Variants in CCDC33 observed in about 807,000 individuals in gnomAD.
The protein encoded by CCDC33 is coiled-coil domain containing 33, also known as coiled-coil domain-containing protein 33.
A neutral mutation model predicts 91.9 loss-of-function variants in CCDC33; 94 were observed. That is an observed-to-expected ratio of 1.02 (90% CI 0.87 to 1.21). CCDC33 has a LOEUF of 1.21. Ranked by LOEUF, CCDC33 falls within the 50% of genes most tolerant of loss-of-function variation. The pLI, the probability that CCDC33 is intolerant of heterozygous loss-of-function variation, is 0.00. For synonymous variants in CCDC33, 396 were observed against 374.5 expected (o/e 1.06, Z -0.66); for missense variants, 940 against 935.5 (o/e 1.00, Z -0.06).
chr15:74,307,494 G>C (rs2059912109), intron 11 of CCDC33, among the ~76,000 whole-genome samples: 1 of 151,988 alleles, frequency 6.6e-6, no homozygotes, highest in Non-Finnish European at 1.5e-5. Context: ...GGGGAGTCTT[G>C]GTCCAACACA....
chr15:74,310,189 T>C (rs937927234), intron 11 of CCDC33, among the ~76,000 whole-genome samples: 1 of 151,488 alleles, frequency 6.6e-6, no homozygotes, highest in Non-Finnish European at 1.5e-5. Context: ...TCTGGGAAGA[T>C]GGTTAGGAGG....
chr15:74,207,606 C>T, intron 1 of CCDC33: 1 of 1,258,464 alleles, frequency 7.9e-7, no homozygotes, highest in Admixed American at 2.0e-5. Context: ...TTACAATACT[C>T]AAACCTCAGG....
intron 2 of CCDC33, among the ~76,000 whole-genome samples, chr15:74,225,814 C>A (rs2074777171): frequency 6.6e-6 from 1 of 152,154 alleles, no homozygotes; most frequent in Non-Finnish European, 1.5e-5. Context: ...GGAAGGCTGA[C>A]AGCACCCAGT....
intron 2 of CCDC33, among the ~76,000 whole-genome samples, chr15:74,255,592 G>A (rs1377313403): frequency 2.0e-5 from 3 of 152,264 alleles, no homozygotes; most frequent in African/African-American, 7.2e-5. Context: ...CGTTGGAGGA[G>A]TGGGGCCTAG....
At chr15:74,263,522 C>T (rs1330281952) in intron 3 of CCDC33, among the ~76,000 whole-genome samples, 3 of 152,152 alleles carry the variant, frequency 2.0e-5, no homozygotes, top group African/African-American at 7.2e-5. Flanking sequence ...GGGGAGCCTC[C>T]GTAAAAGGGG....
At chr15:74,263,139 C>A (rs536417357) in intron 3 of CCDC33, among the ~76,000 whole-genome samples, 2 of 152,348 alleles carry the variant, frequency 1.3e-5, no homozygotes, top group African/African-American at 4.8e-5. Context: ...CAGGTGTCAG[C>A]CTGAGCCACG....
Position 74,236,562 on chromosome 15 carries a change from CT to C in CCDC33, c.-157del. ...GCCCCAGGGCTGGTGTGTGGCACCCCTGAGACCACATTGACCTCCATACTGT... is the reference window on the plus strand; with the variant it reads ...GCCCCAGGGCTGGTGTGTGGCACCCCGAGACCACATTGACCTCCATACTGT... On this transcript the variant is annotated 5_prime_UTR_variant, in exon 1 of 19. Transcript: ENST00000398814. 1 of 528,802 alleles carries C rather than the reference CT, an allele frequency of 1.9e-6. No individual in the cohort carries two copies. Among genetic ancestry groups the C allele is most frequent in the Non-Finnish European group, 3.3e-6 (1 of 300,178 alleles). The allele number at this position is 528,802 out of a possible 1,614,324, so 32.8% of individuals were successfully genotyped here. A position where few individuals can be genotyped will look rare whatever the true frequency, so the allele number is the denominator to read the frequency against.
chr15:74,335,485 C>T (rs928835655), intron 18 of CCDC33: 9 of 440,692 alleles, frequency 2.0e-5, no homozygotes, highest in Middle Eastern at 6.3e-4. Context: ...CAAATTAGCA[C>T]ACCCTTCTCA....
At chr15:74,274,221 C>T (rs1463625287) in intron 7 of CCDC33, among the ~76,000 whole-genome samples, 1 of 152,212 alleles carries the variant, frequency 6.6e-6, no homozygotes, top group Non-Finnish European at 1.5e-5. Context: ...GGCTATGACC[C>T]ATGTCAGGGC....
At chr15:74,328,811 G>A (rs575512448) in intron 11 of CCDC33, among the ~76,000 whole-genome samples, 3 of 152,358 alleles carry the variant, frequency 2.0e-5, no homozygotes, top group East Asian at 3.9e-4. Flanking sequence ...GGCCCAGGTG[G>A]TTGCTGGGGG....
At chr15:74,299,651 G>A (rs1396262318) in intron 11 of CCDC33, 1 of 152,286 alleles carries the variant, frequency 6.6e-6, no homozygotes, top group Non-Finnish European at 1.5e-5. Context: ...ACACTACAGA[G>A]GCCTGTATGC....
chr15:74,318,480 T>G, intron 11 of CCDC33: 1 of 453,718 alleles, frequency 2.2e-6, no homozygotes. Context: ...AGTGGCCCCA[T>G]GGGCCTGCCT....
At chr15:74,328,742 C>A (rs2060363028) in intron 11 of CCDC33, among the ~76,000 whole-genome samples, 1 of 152,190 alleles carries the variant, frequency 6.6e-6, no homozygotes, top group Non-Finnish European at 1.5e-5. Flanking sequence ...CCATGGCCTG[C>A]CATGCAGCAG....
intron 1 of CCDC33, among the ~76,000 whole-genome samples, chr15:74,237,892 A>G (rs2075222391): frequency 6.6e-6 from 1 of 152,186 alleles, no homozygotes; most frequent in South Asian, 2.1e-4. Context: ...CACGCCTGTA[A>G]TCCCAGCACT....
At chr15:74,266,963 A>G (rs1266066654) in intron 4 of CCDC33, among the ~76,000 whole-genome samples, 176 bp downstream of exon 4, 1 of 144,932 alleles carries the variant, frequency 6.9e-6, no homozygotes, top group African/African-American at 2.6e-5. Flanking sequence ...AATGGTGTCT[A>G]CAAGAATTTG....
chr15:74,318,542 A>G, intron 11 of CCDC33: 1 of 684,126 alleles, frequency 1.5e-6, no homozygotes, highest in Non-Finnish European at 2.6e-6. Context: ...TGTTGTAGCA[A>G]CAGTCCCTGG....
chr15:74,268,280 C>T (rs1033821665), intron 4 of CCDC33, 62 bp from the exon 5 acceptor site: 16 of 1,200,650 alleles, frequency 1.3e-5, no homozygotes, highest in Non-Finnish European at 1.9e-5. Flanking sequence ...GGATTTATGG[C>T]CAGGATCTGC....
chr15:74,217,686 T>A, intron 1 of CCDC33: 1 of 929,070 alleles, frequency 1.1e-6, no homozygotes. Context: ...GAGGGTGGGG[T>A]CAGAGCTCCA....
At chr15:74,261,376 G>A (rs186336249) in intron 2 of CCDC33, among the ~76,000 whole-genome samples, 14 of 152,344 alleles carry the variant, frequency 9.2e-5, no homozygotes, top group Admixed American at 2.6e-4. Flanking sequence ...AGCTGGGCTG[G>A]GAAGAACCAT....
Sources: allele counts gnomAD v4.1 joint callset (sites outside exome capture counted in the v4.1 genomes callset), GRCh38; gene constraint gnomAD v4.1.1; transcripts MANE v1.5; gene names NCBI Gene and HGNC (gene_info 2026-07-23, HGNC 2026-07-21).